Variants in ADGRL3 observed in about 807,000 individuals in gnomAD.
ADGRL3 encodes calcium-independent alpha-latrotoxin receptor 3.
ADGRL3 carries 62 observed loss-of-function variants against 153.5 expected under a neutral mutation model. That is an observed-to-expected ratio of 0.40 (90% CI 0.33 to 0.50). The LOEUF is 0.50. Among genes scored for constraint, ADGRL3 ranks in the 20% least tolerant of loss-of-function variants. The pLI, the probability that ADGRL3 is intolerant of heterozygous loss-of-function variation, is 0.47. For synonymous variants in ADGRL3, 710 were observed against 672.5 expected, an observed-to-expected ratio of 1.06 and a Z score of -0.86; for missense variants, 1,641 against 1,859.4, an observed-to-expected ratio of 0.88 and a Z score of 2.16.
chr4:61,536,908 T>G (rs143757470), intron 4 of ADGRL3, among the ~76,000 whole-genome samples: 4 of 152,238 alleles, frequency 2.6e-5, no homozygotes, highest in African/African-American at 7.2e-5. Context: ...TGTGAGGTAT[T>G]ATTCTTGTCA....
At chr4:61,581,816 A>G (rs925818324) in intron 4 of ADGRL3, among the ~76,000 whole-genome samples, 1 of 152,002 alleles carries the variant, frequency 6.6e-6, no homozygotes, top group African/African-American at 2.4e-5. Flanking sequence ...CTTACCTTAC[A>G]TGTTCAGTCA....
At chr4:61,283,778 T>G (rs1490905562) in intron 1 of ADGRL3, among the ~76,000 whole-genome samples, 2 of 151,988 alleles carry the variant, frequency 1.3e-5, no homozygotes, top group East Asian at 3.9e-4. Context: ...TCTGGCTTCT[T>G]ACCCTGTTTG....
At chr4:61,644,406 T>C (rs765612147) in intron 5 of ADGRL3, among the ~76,000 whole-genome samples, 1 of 152,170 alleles carries the variant, frequency 6.6e-6, no homozygotes, top group African/African-American at 2.4e-5. Context: ...AGATCTTTCC[T>C]GCTTTCTCTT....
chr4:61,762,428 G>A (rs1478195429), intron 8 of ADGRL3, among the ~76,000 whole-genome samples: 1 of 152,024 alleles, frequency 6.6e-6, no homozygotes, highest in Admixed American at 6.6e-5. Flanking sequence ...TTTTCCAGGG[G>A]TGCTCTGGGA....
In ADGRL3 at chr4:62,075,554, C is replaced by A. The variant is rs905975129; in HGVS notation, c.*4646C>A. The stretch of plus-strand genomic sequence containing the variant: ...TATGAAGTTCCCAGTACATTGTAGA[C>A]CAAGGTGTTAAAATTTAATTAGTTC... On this transcript the variant is annotated 3_prime_UTR_variant, in exon 27 of 27. Coordinates refer to ENST00000683033, the MANE Select transcript of ADGRL3 (RefSeq NM_001387552.1). The A allele has an allele frequency of 6.6e-6, 1 of 152,066 alleles. No homozygotes were observed. The highest frequency in any genetic ancestry group is 1.5e-5 in the Non-Finnish European group (1 of 68,008). The allele number at this position is 152,066 out of a possible 1,614,324, so 9.4% of individuals were successfully genotyped here.
chr4:61,656,887 T>C (rs1276639200), intron 5 of ADGRL3, among the ~76,000 whole-genome samples: 8 of 152,220 alleles, frequency 5.3e-5, no homozygotes, highest in Non-Finnish European at 4.4e-5. Context: ...TCTCTGTTGC[T>C]ATTTTCTCTC....
intron 4 of ADGRL3, among the ~76,000 whole-genome samples, chr4:61,528,881 C>T (rs1441129426): frequency 3.3e-5 from 5 of 152,064 alleles, no homozygotes. Context: ...GGTAGTAGCA[C>T]AAGGCTTACT....
intron 2 of ADGRL3, among the ~76,000 whole-genome samples, chr4:61,434,397 C>T (rs775173573): frequency 3.3e-5 from 5 of 151,998 alleles, no homozygotes; most frequent in Non-Finnish European, 7.4e-5. Flanking sequence ...CAGGGTGACT[C>T]ACACTATGGA....
intron 2 of ADGRL3, among the ~76,000 whole-genome samples, chr4:61,465,426 A>G (rs567233991): frequency 6.6e-6 from 1 of 152,164 alleles, no homozygotes; most frequent in Non-Finnish European, 1.5e-5. Flanking sequence ...GAGTTACTCA[A>G]CTCCAACACA....
chr4:61,539,604 C>A lies in ADGRL3; in HGVS notation c.259+22086C>A, dbSNP rs181523165. Among the ~76,000 whole-genome samples, 8 of 152,196 alleles carry A rather than the reference C, an allele frequency of 5.3e-5. 1 individual carries two copies. Among genetic ancestry groups the A allele is most frequent in the South Asian group, 4.2e-4 (2 of 4,818 alleles). On this transcript the variant is annotated intron_variant, in intron 4 of 26. Coordinates refer to ENST00000683033, the MANE Select transcript of ADGRL3 (RefSeq NM_001387552.1). The stretch of plus-strand genomic sequence containing the variant: ...GCCTGGCAGTAAGCCACAGTGGGTA[C>A]GCAAACAGCGTGGTGTGCATCGTCT...
intron 1 of ADGRL3, among the ~76,000 whole-genome samples, chr4:61,358,708 T>C (rs2096234485): frequency 6.6e-6 from 1 of 152,034 alleles, no homozygotes; most frequent in South Asian, 2.1e-4. Context: ...GCATCTCCCT[T>C]AGTTTTCTTC....
intron 5 of ADGRL3, among the ~76,000 whole-genome samples, chr4:61,671,601 A>C (rs529627790): frequency 1.1e-3 from 165 of 152,274 alleles, no homozygotes; most frequent in Non-Finnish European, 1.9e-3. Flanking sequence ...ATGCTCTGAA[A>C]TTTCTCTTTC....
intron 9 of ADGRL3, among the ~76,000 whole-genome samples, chr4:61,824,723 C>T (rs960602736): frequency 1.3e-5 from 2 of 152,138 alleles, no homozygotes; most frequent in Non-Finnish European, 2.9e-5. Context: ...GCATACTCAA[C>T]ATAACACATG....
At chr4:61,639,081 A>C (rs1460913549) in intron 5 of ADGRL3, among the ~76,000 whole-genome samples, 1 of 152,140 alleles carries the variant, frequency 6.6e-6, no homozygotes, top group Non-Finnish European at 1.5e-5. Context: ...AAGCCAGAAA[A>C]CCAAAGACAA....
intron 2 of ADGRL3, among the ~76,000 whole-genome samples, chr4:61,462,342 G>A (rs1332204049): frequency 6.6e-6 from 1 of 152,134 alleles, no homozygotes; most frequent in Non-Finnish European, 1.5e-5. Flanking sequence ...AACAACTCGA[G>A]TCACAGCAGA....
chr4:62,023,089 C>T (rs1402769409), intron 21 of ADGRL3, among the ~76,000 whole-genome samples: 1 of 152,046 alleles, frequency 6.6e-6, no homozygotes, highest in Non-Finnish European at 1.5e-5. Context: ...TCATTAAGAA[C>T]ATTTGTGATT....
intron 25 of ADGRL3, among the ~76,000 whole-genome samples, chr4:62,049,837 C>T (rs1031322543): frequency 6.6e-6 from 1 of 152,246 alleles, no homozygotes; most frequent in Middle Eastern, 3.4e-3. Flanking sequence ...CTTAACTTCT[C>T]AGGGTCTATG....
chr4:61,425,396 G>A (rs1208014616), intron 2 of ADGRL3: 1 of 152,340 alleles, frequency 6.6e-6, no homozygotes, highest in African/African-American at 2.4e-5. Context: ...TATGTGGCAG[G>A]GCAAGCCGTC....
intron 1 of ADGRL3, among the ~76,000 whole-genome samples, chr4:61,299,727 G>GT (rs1314042505): frequency 6.6e-6 from 1 of 152,100 alleles, no homozygotes; most frequent in Non-Finnish European, 1.5e-5. Context: ...AGGGCTATTG[G>GT]TAAGTATCTG....
Sources: allele counts gnomAD v4.1 joint callset (sites outside exome capture counted in the v4.1 genomes callset), GRCh38; gene constraint gnomAD v4.1.1; transcripts MANE v1.5; gene names NCBI Gene and HGNC (gene_info 2026-07-23, HGNC 2026-07-21).